The following IL10RB variants were observed in gnomAD, a reference collection of about 807,000 sequenced individuals.
IL10RB encodes interleukin 10 receptor subunit beta, also known as interleukin-10 receptor subunit beta.
In IL10RB, 30 loss-of-function variants were observed where a neutral mutation model predicts 38.7. That is an observed-to-expected ratio of 0.78 (90% CI 0.58 to 1.05). The LOEUF (loss-of-function observed/expected upper bound fraction) is 1.05. Ranked by LOEUF, IL10RB falls within the 50% of genes least tolerant of loss-of-function variation. The pLI is 0.00. For synonymous variants in IL10RB, 142 were observed against 145.9 expected, an observed-to-expected ratio of 0.97 and a Z score of 0.19; for missense variants, 328 against 397.1, an observed-to-expected ratio of 0.83 and a Z score of 1.48.
rs771890796 is a variant in IL10RB, at chr21:33,296,236, C to T, written c.857C>T (p.Ser286Leu). Residue 286 changes from serine to leucine, a missense_variant, in exon 7 of 7, where the codon TCG becomes TTG. Coordinates refer to ENST00000290200, the MANE Select transcript of IL10RB (RefSeq NM_000628.5). Reference sequence around the variant, plus strand: ...CTTCTGTTTTTCTCCTTTCCATTGTCGGATGAGAATGATGTTTTTGACAAG... The same window carrying T: ...CTTCTGTTTTTCTCCTTTCCATTGTTGGATGAGAATGATGTTTTTGACAAG... ...NTLLFFSFPL[S>L]DENDVFDKLS... is the part of the protein sequence containing the mutation. 71 of 1,614,032 alleles carry T rather than the reference C, an allele frequency of 4.4e-5. No homozygotes were observed. Among genetic ancestry groups the T allele is most frequent in the Middle Eastern group, 3.3e-4 (2 of 6,062 alleles).
chr21:33,287,358 T>C (rs1262881028), intron 5 of IL10RB, among the ~76,000 whole-genome samples: 1 of 151,916 alleles, frequency 6.6e-6, no homozygotes, highest in African/African-American at 2.4e-5. Flanking sequence ...TTGTTTTGGC[T>C]TTGGTTTTGG....
In IL10RB at chr21:33,268,491, C is replaced by T. The variant is rs781729452; in HGVS notation, c.147C>T (p.Asn49=). The T allele has an allele frequency of 8.1e-6, 13 of 1,613,604 alleles. No homozygotes were observed. Among genetic ancestry groups the T allele is most frequent in the Non-Finnish European group, 1.1e-5 (13 of 1,179,484 alleles). Residue 49 remains asparagine (N), a synonymous_variant, in exon 2 of 7, where the codon AAC becomes AAT. Transcript: ENST00000290200. ...QWESPAFAKG[N]LTFTAQYLSY... is the part of the protein sequence containing the mutation. ...AGTCACCTGCTTTTGCCAAAGGGAA[C>T]CTGACTTTCACAGCTCAGTACCTAA...
chr21:33,306,680 C>A (rs913963430), intron 1 of IL10RB, among the ~76,000 whole-genome samples: 1 of 151,970 alleles, frequency 6.6e-6, no homozygotes, highest in Non-Finnish European at 1.5e-5. Flanking sequence ...ACTACAGGTT[C>A]GTGCCACCAT....
chr21:33,266,407 C>CCGGGCG lies in IL10RB; in HGVS notation c.-52_-47dup, dbSNP rs1224772204. 3 of 1,524,684 alleles carry CCGGGCG rather than the reference C, an allele frequency of 2.0e-6. No individual in the cohort carries two copies. The highest frequency in any genetic ancestry group is 2.8e-5 in the African/African-American group (2 of 71,628). 94.4% of individuals were successfully genotyped at this position (1,524,684 alleles called of 1,614,324 possible). ...CGGAAGCCGCCGCGGACAAGCTCTC[C>CCGGGCG]CGGGCGCGGGCGGGGGTCGTGTGCT... On this transcript the variant is annotated 5_prime_UTR_variant, in exon 1 of 7. Transcript: ENST00000290200.
At position 33,309,534 on chromosome 21, in the gene IL10RB, A is replaced by G. The variant is rs1183917409; in HGVS notation, c.*553A>G. 3 of 152,178 alleles carry G rather than the reference A, an allele frequency of 2.0e-5. No homozygotes were observed. The East Asian group carries it at 5.8e-4, about 29-fold the overall frequency. 9.4% of individuals were successfully genotyped at this position (152,178 alleles called of 1,614,324 possible). On this transcript the variant is annotated 3_prime_UTR_variant, in exon 2 of 2. Transcript: ENST00000609556. ...CTTTCACTGAGAAACAATTTATACT[A>G]CTAAACAAGATATCAGTTATGATGC...
At chr21:33,275,954 A>G (rs1989162259) in intron 2 of IL10RB, among the ~76,000 whole-genome samples, 1 of 152,190 alleles carries the variant, frequency 6.6e-6, no homozygotes. Flanking sequence ...ACCATAACAC[A>G]TATAATCATG....
At chr21:33,272,247 A>G (rs1989095537) in intron 2 of IL10RB, among the ~76,000 whole-genome samples, 1 of 152,096 alleles carries the variant, frequency 6.6e-6, no homozygotes, top group South Asian at 2.1e-4. Context: ...AACAGATCTG[A>G]GTTCAGTTGG....
chr21:33,266,716 C>CCG (rs1025676054), intron 1 of IL10RB, among the ~76,000 whole-genome samples: 1 of 152,230 alleles, frequency 6.6e-6, no homozygotes, highest in Non-Finnish European at 1.5e-5. Context: ...AAAGCCCCAT[C>CCG]CGCGCCCGGA....
At chr21:33,279,115 T>G (rs1428498744) in intron 3 of IL10RB, among the ~76,000 whole-genome samples, 1 of 152,178 alleles carries the variant, frequency 6.6e-6, no homozygotes, top group Non-Finnish European at 1.5e-5. Flanking sequence ...TTAAGAAGAC[T>G]GAAGCAAGGC....
chr21:33,278,544 C>T (rs2834169), intron 3 of IL10RB, among the ~76,000 whole-genome samples: 44,207 of 152,044 alleles, frequency 0.29, 6,486 homozygotes, highest in African/African-American at 0.33. Flanking sequence ...TGTCCCAAAT[C>T]CTGTTAGCTC....
At chr21:33,280,009 C>T (rs1038053692) in intron 4 of IL10RB, 91 bp downstream of exon 4, 1 of 1,169,894 alleles carries the variant, frequency 8.5e-7, no homozygotes, top group South Asian at 1.2e-5. Flanking sequence ...GACTGGTCCT[C>T]TGTAAGCCAA....
chr21:33,295,942 G>GT (rs2082964114), intron 6 of IL10RB, among the ~76,000 whole-genome samples: 2 of 151,990 alleles, frequency 1.3e-5, no homozygotes, highest in East Asian at 1.9e-4. Context: ...TACTTGGGAG[G>GT]CTGAGGCAGG....
intron 2 of IL10RB, among the ~76,000 whole-genome samples, chr21:33,270,424 A>G (rs1274421830): frequency 6.8e-6 from 1 of 147,922 alleles, no homozygotes; most frequent in Non-Finnish European, 1.5e-5. Context: ...TCTGTTGCCC[A>G]GGCTGGAGTG....
chr21:33,276,605 A>G lies in IL10RB; in HGVS notation c.183A>G (p.Ile61Met). 6.2e-7 allele frequency: 1 copy of G among 1,613,184 alleles called. No homozygotes were observed. The highest frequency in any genetic ancestry group is 8.5e-7 in the Non-Finnish European group (1 of 1,179,146). The change falls in exon 3 of 7, where the codon ATA (isoleucine) becomes ATG (methionine). Residue 61 changes from isoleucine to methionine, a missense_variant. Physicochemically the swap from Ile to Met is conservative, Grantham distance 10. Transcript: ENST00000290200. ...CTTTTTGATTGTGTAGTTATAGGAT[A>G]TTCCAAGATAAATGCATGAATACTA... Reference protein sequence around the residue: ...TFTAQYLSYRIFQDKCMNTTL... With the variant: ...TFTAQYLSYRMFQDKCMNTTL...
intron 2 of IL10RB, among the ~76,000 whole-genome samples, chr21:33,270,189 C>T (rs1732289649): frequency 1.3e-5 from 2 of 152,166 alleles, no homozygotes; most frequent in African/African-American, 4.8e-5. Context: ...AGGGCATACT[C>T]TATAATTAAT....
At chr21:33,276,517 C>G (rs930799429) in intron 2 of IL10RB, 79 bp from the exon 3 acceptor site, 17 of 1,198,690 alleles carry the variant, frequency 1.4e-5, no homozygotes, top group East Asian at 9.3e-5. Context: ...CCGCCCCCCC[C>G]TCCAAATTAA....
Position 33,279,778 on chromosome 21 carries a change from G to A in IL10RB, c.358G>A (p.Val120Ile), listed in dbSNP as rs770606336. 6.2e-7 allele frequency: 1 copy of A among 1,614,002 alleles called. No homozygotes were observed. Among genetic ancestry groups the A allele is most frequent in the South Asian group, 1.1e-5 (1 of 91,082 alleles). The change falls in exon 4 of 7, where the codon GTA becomes ATA. Residue 120 changes from valine to isoleucine, a missense_variant. By Grantham distance (29) the Val-to-Ile change is conservative. Transcript: ENST00000290200. The stretch of plus-strand genomic sequence containing the variant: ...CATTATTGGACCCCCTGGAATGCAA[G>A]TAGAAGTACTTGCTGATTCTTTACA... Reference protein sequence around the residue: ...DTIIGPPGMQVEVLADSLHMR... With the variant: ...DTIIGPPGMQIEVLADSLHMR...
intron 1 of IL10RB, among the ~76,000 whole-genome samples, chr21:33,307,662 C>T (rs756680551): frequency 5.9e-5 from 9 of 152,220 alleles, no homozygotes; most frequent in Non-Finnish European, 1.0e-4. Flanking sequence ...ATGCTCTTCC[C>T]TAAGCATGGA....
intron 3 of IL10RB, among the ~76,000 whole-genome samples, chr21:33,277,251 T>G (rs1989188317): frequency 6.6e-6 from 1 of 151,550 alleles, no homozygotes; most frequent in Non-Finnish European, 1.5e-5. Flanking sequence ...CATCAAAAAT[T>G]GTTCCCAGGT....
Sources: allele counts gnomAD v4.1 joint callset (sites outside exome capture counted in the v4.1 genomes callset), GRCh38; gene constraint gnomAD v4.1.1; transcripts MANE v1.5; gene names NCBI Gene and HGNC (gene_info 2026-07-23, HGNC 2026-07-21).